The following IL1RAPL1 variants were observed in gnomAD, a reference collection of about 807,000 sequenced individuals.
The protein encoded by IL1RAPL1 is interleukin-1 receptor accessory protein-like 1.
Under a neutral mutation model 48.4 loss-of-function variants are expected in IL1RAPL1, and 3 were observed. That is an observed-to-expected ratio of 0.06 (90% confidence interval 0.03 to 0.16). The LOEUF is 0.16. Ranked by LOEUF, IL1RAPL1 falls within the 10% of genes least tolerant of loss-of-function variation. IL1RAPL1 has a pLI of 1.00. For missense variants in IL1RAPL1, 349 were observed against 530.6 expected (o/e 0.66, Z 3.36); for synonymous variants, 185 against 187.7 (o/e 0.99, Z 0.12).
intron 2 of IL1RAPL1, among the ~76,000 whole-genome samples, chrX:29,019,128 A>C (rs1402460638): frequency 9.0e-6 from 1 of 111,115 alleles, no homozygotes; most frequent in Non-Finnish European, 1.9e-5. Flanking sequence ...CTATCACAAG[A>C]ACAGGATGAG....
At chrX:28,606,572 A>G (rs1180432241) in intron 1 of IL1RAPL1, among the ~76,000 whole-genome samples, 1 of 112,255 alleles carries the variant, frequency 8.9e-6, no homozygotes, top group African/African-American at 3.2e-5. Flanking sequence ...ATAAATTGAC[A>G]CTGTTCTTTT....
chrX:29,867,471 T>A (rs1022965946), intron 6 of IL1RAPL1, among the ~76,000 whole-genome samples: 13 of 111,658 alleles, frequency 1.2e-4, no homozygotes, highest in Non-Finnish European at 2.3e-4. Flanking sequence ...ATTCCACCAC[T>A]TGAGGACACA....
At chrX:29,067,243 T>C (rs1225211439) in intron 2 of IL1RAPL1, among the ~76,000 whole-genome samples, 1 of 111,547 alleles carries the variant, frequency 9.0e-6, no homozygotes, top group African/African-American at 3.3e-5. Context: ...GCATAAAGAT[T>C]AAATTAAGTG....
chrX:29,375,014 G>A (rs781767590), intron 3 of IL1RAPL1, among the ~76,000 whole-genome samples: 7 of 108,515 alleles, frequency 6.5e-5, no homozygotes, highest in African/African-American at 2.3e-4. Context: ...GGTACATGAA[G>A]GCAAAGTCCA....
intron 6 of IL1RAPL1, among the ~76,000 whole-genome samples, chrX:29,807,949 T>TAAG (rs1930294382): frequency 9.0e-6 from 1 of 111,688 alleles, no homozygotes; most frequent in African/African-American, 3.2e-5. Context: ...GCTAAAGTAA[T>TAAG]AAGATACAAT....
chrX:28,884,637 T>G (rs965729084), intron 2 of IL1RAPL1, among the ~76,000 whole-genome samples: 2 of 111,840 alleles, frequency 1.8e-5, no homozygotes, highest in Non-Finnish European at 3.8e-5. Context: ...TGAAATTATT[T>G]TGGCAAATCT....
chrX:28,686,230 T>A (rs932726226), intron 1 of IL1RAPL1, among the ~76,000 whole-genome samples: 1 of 112,120 alleles, frequency 8.9e-6, no homozygotes. Flanking sequence ...CATCAGGGAT[T>A]GAAGTTTTTA....
chrX:28,724,882 C>T (rs1197692223), intron 1 of IL1RAPL1, among the ~76,000 whole-genome samples: 1 of 109,562 alleles, frequency 9.1e-6, no homozygotes, highest in Non-Finnish European at 1.9e-5. Context: ...TATACAAAGC[C>T]TTCTAGCATA....
intron 2 of IL1RAPL1, among the ~76,000 whole-genome samples, chrX:29,068,785 A>G (rs1178701141): frequency 8.9e-6 from 1 of 112,227 alleles, no homozygotes; most frequent in African/African-American, 3.2e-5. Context: ...TTAAGAGTTC[A>G]GGCTTCATTC....
chrX:28,866,363 T>C (rs1447498350), intron 2 of IL1RAPL1, among the ~76,000 whole-genome samples: 1 of 110,927 alleles, frequency 9.0e-6, no homozygotes, highest in Non-Finnish European at 1.9e-5. Flanking sequence ...CAGTGGACCT[T>C]GGGGACTCTG....
chrX:28,939,448 G>A (rs181985616), intron 2 of IL1RAPL1, among the ~76,000 whole-genome samples: 247 of 110,603 alleles, frequency 2.2e-3, no homozygotes, highest in Non-Finnish European at 3.8e-3. Context: ...ACCAAATACC[G>A]CATGTTTTCA....
At chrX:28,591,057 C>G (rs1267491398) in intron 1 of IL1RAPL1, among the ~76,000 whole-genome samples, 1 of 112,079 alleles carries the variant, frequency 8.9e-6, no homozygotes, top group Non-Finnish European at 1.9e-5. Flanking sequence ...AATAGGAAAG[C>G]ATTTAAACAT....
chrX:29,191,196 C>G (rs1045946111), intron 2 of IL1RAPL1, among the ~76,000 whole-genome samples: 5 of 111,234 alleles, frequency 4.5e-5, no homozygotes, highest in African/African-American at 1.6e-4. Context: ...ATTTATATAA[C>G]TAATTGTGAT....
intron 2 of IL1RAPL1, among the ~76,000 whole-genome samples, chrX:29,185,864 T>C (rs143878386): frequency 0.02 from 2,205 of 110,675 alleles, 48 homozygotes; most frequent in African/African-American, 0.068. Context: ...AAAGGCTCCA[T>C]TTAAGCATTT....
In IL1RAPL1 at chrX:29,684,617, T is replaced by C. The variant is rs150313762; in HGVS notation, c.778+16113T>C. ...TATTTTCTCATTCCCATTTTTTTTGTACTTCTGCTCTTTCAAGTACATTTT... is the reference window on the plus strand; with the variant it reads ...TATTTTCTCATTCCCATTTTTTTTGCACTTCTGCTCTTTCAAGTACATTTT... On this transcript the variant is annotated intron_variant, in intron 6 of 10. Transcript: ENST00000378993. 5.4e-5 allele frequency among the ~76,000 whole-genome samples: 6 copies of C among 112,082 alleles called. No homozygotes were observed. The East Asian group carries it at 1.4e-3, about 26-fold the overall frequency.
At chrX:29,350,524 C>T (rs945799010) in intron 3 of IL1RAPL1, among the ~76,000 whole-genome samples, 2 of 107,070 alleles carry the variant, frequency 1.9e-5, no homozygotes, top group African/African-American at 6.9e-5. Context: ...CTCTGTTTTC[C>T]TCCCACATCC....
intron 2 of IL1RAPL1, among the ~76,000 whole-genome samples, chrX:28,818,976 G>C (rs941065383): frequency 7.2e-5 from 8 of 110,638 alleles, no homozygotes; most frequent in African/African-American, 2.6e-4. Context: ...TTTAAAGCTA[G>C]ATGTCATAGT....
chrX:29,038,419 AAATAGT>A (rs1450481700), intron 2 of IL1RAPL1, among the ~76,000 whole-genome samples: 1 of 112,102 alleles, frequency 8.9e-6, no homozygotes, highest in Non-Finnish European at 1.9e-5. Flanking sequence ...AATATGCTAC[AAATAGT>A]AATAGAACAC....
intron 6 of IL1RAPL1, among the ~76,000 whole-genome samples, chrX:29,798,098 C>T (rs1044936906): frequency 9.0e-6 from 1 of 111,475 alleles, no homozygotes; most frequent in Admixed American, 9.6e-5. Flanking sequence ...ATGAGAACTA[C>T]CATGCTAAGA....
Sources: gnomAD v4.1 joint callset for allele counts (sites outside exome capture counted in the v4.1 genomes callset) on GRCh38, gnomAD v4.1.1 for gene constraint, MANE v1.5 for transcripts, NCBI Gene and HGNC (gene_info 2026-07-23, HGNC 2026-07-21) for gene names.